The following PCCA variants were observed in gnomAD, a reference collection of about 807,000 sequenced individuals.
The protein encoded by PCCA is propionyl-CoA carboxylase alpha chain, mitochondrial.
PCCA carries 74 observed loss-of-function variants against 101.3 expected under a neutral mutation model. The observed-to-expected ratio is 0.73, with a 90% confidence interval of 0.61 to 0.89. The LOEUF (loss-of-function observed/expected upper bound fraction) is 0.89. Among genes scored for constraint, PCCA ranks in the 40% least tolerant of loss-of-function variants. PCCA has a pLI of 0.00. For missense variants in PCCA, 891 were observed against 907.0 expected (o/e 0.98, Z 0.23); for synonymous variants, 294 against 313.6 (o/e 0.94, Z 0.66).
chr13:100,405,172 C>T (rs1384880796), intron 19 of PCCA, among the ~76,000 whole-genome samples: 1 of 152,194 alleles, frequency 6.6e-6, no homozygotes, highest in African/African-American at 2.4e-5. Flanking sequence ...TGGTGCTTGG[C>T]TTTGGTTCAC....
Position 100,281,250 on chromosome 13 carries a change from C to T in PCCA, c.1065+7904C>T, listed in dbSNP as rs892530380. ...CATGTGCTGAGGTTGCTAAGCTCTG[C>T]GGTAAGGATGAATCTTCCGTCGGTG... On this transcript the variant is annotated intron_variant, in intron 12 of 23. Transcript: ENST00000376285. Among the ~76,000 whole-genome samples, 47 of 152,226 alleles carry T rather than the reference C, an allele frequency of 3.1e-4. 1 individual carries two copies. Among genetic ancestry groups the T allele is most frequent in the Middle Eastern group, 6.8e-3 (2 of 292 alleles).
At chr13:100,345,127 C>G (rs182717945) in intron 18 of PCCA, among the ~76,000 whole-genome samples, 2 of 152,148 alleles carry the variant, frequency 1.3e-5, no homozygotes, top group Non-Finnish European at 2.9e-5. Context: ...GCAGTGGCCT[C>G]TAAGTGTTCA....
intron 1 of PCCA, among the ~76,000 whole-genome samples, chr13:100,094,789 T>C (rs1207245661): frequency 6.6e-6 from 1 of 152,226 alleles, no homozygotes; most frequent in Admixed American, 6.5e-5. Flanking sequence ...GGTTTCACCA[T>C]GTCGGCCTGG....
At chr13:100,225,583 A>G (rs1162726877) in intron 7 of PCCA, among the ~76,000 whole-genome samples, 1 of 152,216 alleles carries the variant, frequency 6.6e-6, no homozygotes, top group African/African-American at 2.4e-5. Flanking sequence ...AAAAGACCCT[A>G]AAAACAAAAA....
At chr13:100,093,547 C>T (rs901269344) in intron 1 of PCCA, among the ~76,000 whole-genome samples, 1 of 152,062 alleles carries the variant, frequency 6.6e-6, no homozygotes, top group African/African-American at 2.4e-5. Context: ...TACTATGGCA[C>T]GTACAGAGGA....
intron 21 of PCCA, among the ~76,000 whole-genome samples, chr13:100,481,975 C>T (rs1353362645): frequency 2.0e-5 from 3 of 152,140 alleles, no homozygotes; most frequent in South Asian, 2.1e-4. Flanking sequence ...GCAGAAACAT[C>T]GTTGCTTTAA....
At chr13:100,139,176 T>C (rs1458025949) in intron 4 of PCCA, among the ~76,000 whole-genome samples, 1 of 152,060 alleles carries the variant, frequency 6.6e-6, no homozygotes, top group Non-Finnish European at 1.5e-5. Context: ...AGGAATTTTG[T>C]CTTTAATTTT....
At chr13:100,519,428 G>A (rs1018109602) in intron 22 of PCCA, among the ~76,000 whole-genome samples, 5 of 152,204 alleles carry the variant, frequency 3.3e-5, no homozygotes, top group African/African-American at 4.8e-5. Context: ...AGGTGTCTGC[G>A]GTTGTTCCTC....
intron 21 of PCCA, among the ~76,000 whole-genome samples, chr13:100,459,734 C>G (rs1321724804): frequency 6.6e-6 from 1 of 152,168 alleles, no homozygotes; most frequent in African/African-American, 2.4e-5. Context: ...ACTGCTCAGG[C>G]TGCCATAATG....
chr13:100,504,625 G>A (rs2085927189), intron 21 of PCCA, among the ~76,000 whole-genome samples: 1 of 152,132 alleles, frequency 6.6e-6, no homozygotes, highest in South Asian at 2.1e-4. Context: ...TCTGTGTTCT[G>A]AGGCTTCTTC....
intron 1 of PCCA, among the ~76,000 whole-genome samples, chr13:100,095,033 A>G (rs1216252393): frequency 6.6e-6 from 1 of 152,206 alleles, no homozygotes; most frequent in African/African-American, 2.4e-5. Flanking sequence ...GAGCAGGGCC[A>G]TGCTTCGCCT....
At chr13:100,492,601 G>GC (rs2084986824) in intron 21 of PCCA, among the ~76,000 whole-genome samples, 1 of 151,458 alleles carries the variant, frequency 6.6e-6, no homozygotes, top group Non-Finnish European at 1.5e-5. Flanking sequence ...CCCAGCAAAG[G>GC]CCCCACCCTC....
At chr13:100,253,536 G>A (rs1367585457) in intron 8 of PCCA, among the ~76,000 whole-genome samples, 1 of 152,210 alleles carries the variant, frequency 6.6e-6, no homozygotes, top group Admixed American at 6.5e-5. Context: ...AAGATGTCCT[G>A]TCCTGCACTT....
intron 19 of PCCA, among the ~76,000 whole-genome samples, chr13:100,408,264 G>A (rs2077809261): frequency 6.6e-6 from 1 of 152,212 alleles, no homozygotes; most frequent in Admixed American, 6.5e-5. Context: ...GCCCTTACCA[G>A]TTGTGAAGCC....
chr13:100,305,808 C>A, intron 14 of PCCA: 1 of 445,286 alleles, frequency 2.2e-6, no homozygotes. Context: ...AATATGTTTT[C>A]AGAAAATAGA....
At chr13:100,156,218 G>T (rs1381773335) in intron 5 of PCCA, among the ~76,000 whole-genome samples, 1 of 152,138 alleles carries the variant, frequency 6.6e-6, no homozygotes, top group Non-Finnish European at 1.5e-5. Flanking sequence ...ACAGGTGCCT[G>T]CCACCATGCC....
At chr13:100,438,785 T>C (rs1426229415) in intron 20 of PCCA, among the ~76,000 whole-genome samples, 2 of 152,064 alleles carry the variant, frequency 1.3e-5, no homozygotes, top group Non-Finnish European at 2.9e-5. Context: ...TTCTTTGGTT[T>C]CTTGGCTCCC....
In PCCA at chr13:100,155,008, C is replaced by T. The variant is rs757060901; in HGVS notation, c.330C>T (p.Val110=). The T allele has an allele frequency of 4.3e-6, 7 of 1,614,018 alleles. No homozygotes were observed. Among genetic ancestry groups the T allele is most frequent in the Non-Finnish European group, 4.2e-6 (5 of 1,179,930 alleles). The change falls in exon 5 of 24, where the codon GTC becomes GTT. Residue 110 remains valine, a synonymous_variant. Transcript: ENST00000376285. ...ATGTGAAAATGGCGGATGAGGCTGT[C>T]TGTGTTGGCCCAGCTCCCACCAGTA... is the stretch of plus-strand genomic sequence containing the variant. The part of the protein sequence containing the change: ...SVHVKMADEA[V]CVGPAPTSKS...
intron 6 of PCCA, among the ~76,000 whole-genome samples, chr13:100,182,529 G>A (rs970192570): frequency 3.3e-5 from 5 of 152,136 alleles, no homozygotes; most frequent in East Asian, 1.9e-4. Flanking sequence ...TGCGTTATAC[G>A]TGGGTGCTTT....
Sources: allele counts gnomAD v4.1 joint callset (sites outside exome capture counted in the v4.1 genomes callset), GRCh38; gene constraint gnomAD v4.1.1; transcripts MANE v1.5; gene names NCBI Gene and HGNC (gene_info 2026-07-23, HGNC 2026-07-21).